The following SLC7A2 variants were observed in gnomAD, a reference collection of about 807,000 sequenced individuals.
SLC7A2 encodes the protein cationic amino acid transporter 2.
SLC7A2 carries 48 observed loss-of-function variants against 58.9 expected under a neutral mutation model. The ratio of observed to expected loss-of-function variants is 0.82; its 90% CI spans 0.65 to 1.04. SLC7A2 has a LOEUF of 1.04. Among genes scored for constraint, SLC7A2 ranks in the 50% least tolerant of loss-of-function variants. The pLI is 0.00. For synonymous variants in SLC7A2, 363 were observed against 314.5 expected (o/e 1.15, Z -1.63); for missense variants, 1,029 against 818.8 (o/e 1.26, Z -3.13).
rs1802805699 is a variant in SLC7A2 at position 17,558,335 on chromosome 8, C to T, written c.1236C>T (p.Asp412=). The T allele has an allele frequency of 6.2e-7, 1 of 1,613,454 alleles. No homozygotes were observed. Among genetic ancestry groups the T allele is most frequent in the South Asian group, 1.1e-5 (1 of 90,914 alleles). ...AFLFDLKALV[D]MMSIGTLMAY... ...TGTTTGACCTGAAGGCGCTTGTGGA[C>T]ATGATGTCCATTGGCACACTCATGG... is the stretch of plus-strand genomic sequence containing the variant. Residue 412 remains aspartate (D), a synonymous_variant, in exon 9 of 13, where the codon GAC becomes GAT. Coordinates refer to ENST00000494857, the MANE Select transcript of SLC7A2 (RefSeq NM_001370338.1).
At chr8:17,503,496 C>T (rs942117812) in intron 2 of SLC7A2, among the ~76,000 whole-genome samples, 1 of 152,154 alleles carries the variant, frequency 6.6e-6, no homozygotes, top group Admixed American at 6.5e-5. Context: ...ATTATTCATA[C>T]GCGGCGCTCA....
rs1316783586 is a variant in SLC7A2, at chr8:17,568,769, G to C, written c.*3623G>C. On this transcript the variant is annotated 3_prime_UTR_variant, in exon 13 of 13. Coordinates refer to ENST00000494857, the MANE Select transcript of SLC7A2 (RefSeq NM_001370338.1). ...GCTTGAGCCCAGGAGTTTAAGACCG[G>C]CCTGAGTAGCATAGCAAGACCCTGT... 1 of 151,450 alleles carries C rather than the reference G, an allele frequency of 6.6e-6. No individual in the cohort carries two copies. Among genetic ancestry groups the C allele is most frequent in the Non-Finnish European group, 1.5e-5 (1 of 67,936 alleles). The allele number at this position is 151,450 out of a possible 1,614,324, so 9.4% of individuals were successfully genotyped here.
Position 17,543,460 on chromosome 8 carries a change from G to T in SLC7A2, c.121G>T (p.Ala41Ser). 6.2e-7 allele frequency: 1 copy of T among 1,614,156 alleles called. No individual in the cohort carries two copies. Among genetic ancestry groups the T allele is most frequent in the East Asian group, 2.2e-5 (1 of 44,874 alleles). The change falls in exon 3 of 13, where the codon GCC becomes TCC. Residue 41 changes from alanine to serine, a missense_variant. By Grantham distance (99) the Ala-to-Ser change is moderately conservative. Transcript: ENST00000494857. ...CRCLSTMDLI[A>S]LGVGSTLGAG... ...CTGCTTATCCACCATGGACCTCATT[G>T]CCCTGGGCGTTGGAAGCACCCTTGG...
At chr8:17,558,013 A>G (rs1022370561) in intron 8 of SLC7A2, among the ~76,000 whole-genome samples, 1 of 152,066 alleles carries the variant, frequency 6.6e-6, no homozygotes, top group Admixed American at 6.6e-5. Context: ...CTGTCATGTA[A>G]TGTTTTCACT....
intron 2 of SLC7A2, among the ~76,000 whole-genome samples, chr8:17,504,918 C>A (rs1800302815): frequency 6.6e-6 from 1 of 152,146 alleles, no homozygotes; most frequent in African/African-American, 2.4e-5. Context: ...AGAGAAGGAG[C>A]TCCTCCTCCT....
At chr8:17,532,100 G>A (rs1344045917) in intron 2 of SLC7A2, among the ~76,000 whole-genome samples, 3 of 151,402 alleles carry the variant, frequency 2.0e-5, no homozygotes, top group Non-Finnish European at 4.4e-5. Flanking sequence ...GTGTGGTGGC[G>A]GTGCCTGTAA....
At chr8:17,510,682 G>C (rs909402375) in intron 2 of SLC7A2, 4 of 152,188 alleles carry the variant, frequency 2.6e-5, no homozygotes, top group Non-Finnish European at 4.4e-5. Context: ...ATGGAAGACA[G>C]TGTGGCCATT....
At position 17,506,141 on chromosome 8, in the gene SLC7A2, T is replaced by C. The variant is rs112632250; in HGVS notation, c.-23+3839T>C. ...GTGTAGGTGGAGTAGGACTTGTGTC[T>C]GTACAATTCATCAAGAACATAGCAC... is the stretch of plus-strand genomic sequence containing the variant. On this transcript the variant is annotated intron_variant, in intron 2 of 12. Transcript: ENST00000494857. Among the ~76,000 whole-genome samples the C allele has an allele frequency of 2.8e-3, 421 of 152,318 alleles. 4 individuals carry two copies. Among genetic ancestry groups the C allele is most frequent in the Non-Finnish European group, 4.4e-3 (298 of 68,032 alleles).
intron 8 of SLC7A2, chr8:17,554,910 T>C (rs901028466): frequency 6.2e-7 from 1 of 1,610,808 alleles, no homozygotes; most frequent in Non-Finnish European, 8.5e-7. Flanking sequence ...ATCCTTAAAA[T>C]AACTCATGTG....
At chr8:17,508,340 T>C (rs866121317) in intron 2 of SLC7A2, among the ~76,000 whole-genome samples, 11 of 152,208 alleles carry the variant, frequency 7.2e-5, no homozygotes, top group South Asian at 4.1e-4. Context: ...AACAACCTTA[T>C]TGTTACTCTT....
At chr8:17,516,286 C>T (rs528864577) in intron 2 of SLC7A2, among the ~76,000 whole-genome samples, 1 of 151,928 alleles carries the variant, frequency 6.6e-6, no homozygotes, top group East Asian at 1.9e-4. Flanking sequence ...AGTGCAGTGG[C>T]AAGATCTCGG....
chr8:17,548,407 A>G lies in SLC7A2; in HGVS notation c.533-271A>G, dbSNP rs1802280954. On this transcript the variant is annotated intron_variant, in intron 4 of 12. Coordinates refer to ENST00000494857, the MANE Select transcript of SLC7A2 (RefSeq NM_001370338.1). ...AGATGTTACTTTACCTATCACTGGC[A>G]AAGATGGCCAAAGTTACTAGATTTA... Among the ~76,000 whole-genome samples, 3 of 152,238 alleles carry G rather than the reference A, an allele frequency of 2.0e-5. No individual in the cohort carries two copies. The South Asian group carries it at 6.2e-4, about 31-fold the overall frequency.
intron 2 of SLC7A2, among the ~76,000 whole-genome samples, chr8:17,517,176 G>T (rs924456573): frequency 3.9e-5 from 6 of 152,150 alleles, no homozygotes; most frequent in Non-Finnish European, 8.8e-5. Flanking sequence ...GACTTTAACT[G>T]ACTTATACTC....
chr8:17,554,543 G>A lies in SLC7A2; in HGVS notation c.1056-17G>A, dbSNP rs1319277501. On this transcript the variant is annotated splice_polypyrimidine_tract_variant and intron_variant, in intron 7 of 12. Coordinates refer to ENST00000494857, the MANE Select transcript of SLC7A2 (RefSeq NM_001370338.1). The stretch of plus-strand genomic sequence containing the variant: ...CATGAATGTTTGCCATACTGCATGT[G>A]TTTGCTTTTTATTCAGTCTTCTTGG... 6.3e-7 allele frequency: 1 copy of A among 1,577,272 alleles called. No individual in the cohort carries two copies. The highest frequency in any genetic ancestry group is 1.9e-5 in the Admixed American group (1 of 51,336).
Position 17,561,999 on chromosome 8 carries a change from C to G in SLC7A2, c.1560C>G (p.Thr520=), listed in dbSNP as rs754920445. The change falls in exon 11 of 13, where the codon ACC becomes ACG. Residue 520 remains threonine, a synonymous_variant. Coordinates refer to ENST00000494857, the MANE Select transcript of SLC7A2 (RefSeq NM_001370338.1). ...CCACTTACGGAGTTCATGCCATCAC[C>G]AGGCTGGAGGCCTGGAGCCTCGCTC... ...VLTTYGVHAI[T]RLEAWSLALL... The G allele has an allele frequency of 7.4e-6, 12 of 1,614,114 alleles. No homozygotes were observed. The highest frequency in any genetic ancestry group is 9.3e-6 in the Non-Finnish European group (11 of 1,180,004).
At chr8:17,558,064 T>A (rs1464891469) in intron 8 of SLC7A2, among the ~76,000 whole-genome samples, 1 of 152,178 alleles carries the variant, frequency 6.6e-6, no homozygotes, top group Non-Finnish European at 1.5e-5. Context: ...CCAAGTAGAA[T>A]GCGCCTTGGA....
rs1411217315 is a variant in SLC7A2 at position 17,543,466 on chromosome 8, G to C, written c.127G>C (p.Gly43Arg). The C allele has an allele frequency of 1.2e-6, 2 of 1,614,094 alleles. No homozygotes were observed. Among genetic ancestry groups the C allele is most frequent in the Non-Finnish European group, 8.5e-7 (1 of 1,180,028 alleles). The change falls in exon 3 of 13, where the codon GGC becomes CGC. Residue 43 changes from glycine (G) to arginine (R), a missense_variant. Gly to Arg is a moderately radical substitution (Grantham distance 125). Transcript: ENST00000494857. ...CLSTMDLIAL[G>R]VGSTLGAGVY... ...ATCCACCATGGACCTCATTGCCCTG[G>C]GCGTTGGAAGCACCCTTGGGGCCGG...
In SLC7A2 at chr8:17,551,889, G is replaced by A. The variant is rs866647549; in HGVS notation, c.958G>A (p.Asp320Asn). The change falls in exon 7 of 13, where the codon GAT (aspartate) becomes AAT (asparagine). Residue 320 changes from aspartate to asparagine, a missense_variant. Transcript: ENST00000494857. ...ACTTATGATGCCGTACTACCTCCTC[G>A]ATGAAAAAAGCCCCCTTCCTGTAGC... ...LTLMMPYYLL[D>N]EKSPLPVAFE... is the part of the protein sequence containing the mutation. 5.0e-6 allele frequency: 8 copies of A among 1,613,822 alleles called. No individual in the cohort carries two copies. The highest frequency in any genetic ancestry group is 2.2e-5 in the South Asian group (2 of 91,074).
intron 1 of SLC7A2, among the ~76,000 whole-genome samples, chr8:17,498,062 C>T (rs1021826222): frequency 1.3e-5 from 2 of 152,122 alleles, no homozygotes; most frequent in East Asian, 1.9e-4. Flanking sequence ...TCATATGTGG[C>T]TTTTGAAGTG....
Sources: gnomAD v4.1 joint callset for allele counts (sites outside exome capture counted in the v4.1 genomes callset) on GRCh38, gnomAD v4.1.1 for gene constraint, MANE v1.5 for transcripts, NCBI Gene and HGNC (gene_info 2026-07-23, HGNC 2026-07-21) for gene names.